GALNT17: variants seen among roughly 807,000 people sequenced by gnomAD.
GALNT17 encodes the protein UDP-GalNAc:polypeptide N-acetylgalactosaminyltransferase-like 3.
A neutral mutation model predicts 63.7 loss-of-function variants in GALNT17; 29 were observed. The ratio of observed to expected loss-of-function variants is 0.46; its 90% confidence interval spans 0.34 to 0.62. The LOEUF (loss-of-function observed/expected upper bound fraction) is 0.62. Among genes scored for constraint, GALNT17 ranks in the 20% least tolerant of loss-of-function variants. The pLI is 0.01. For missense variants in GALNT17, 603 were observed against 799.6 expected (o/e 0.75, Z 2.97); for synonymous variants, 305 against 318.3 (o/e 0.96, Z 0.45).
chr7:71,174,863 T>C (rs10266269), intron 1 of GALNT17, among the ~76,000 whole-genome samples: 43,262 of 152,072 alleles, frequency 0.28, 10,718 homozygotes, highest in African/African-American at 0.67. Context: ...TAGCGTGGGC[T>C]CAGAGGCCTG....
intron 1 of GALNT17, among the ~76,000 whole-genome samples, chr7:71,141,826 G>A (rs1034883989): frequency 2.0e-5 from 3 of 149,444 alleles, no homozygotes; most frequent in East Asian, 2.0e-4. Flanking sequence ...ACAGGTATGC[G>A]CCACCACGTC....
intron 6 of GALNT17, among the ~76,000 whole-genome samples, chr7:71,609,866 GAA>G (rs1390726458): frequency 6.6e-6 from 1 of 151,964 alleles, no homozygotes; most frequent in African/African-American, 2.4e-5. Context: ...ATTCTTAAGA[GAA>G]AGAATTTATA....
At chr7:71,232,889 G>A (rs574016063) in intron 1 of GALNT17, among the ~76,000 whole-genome samples, 44 of 152,100 alleles carry the variant, frequency 2.9e-4, no homozygotes, top group Non-Finnish European at 5.3e-4. Flanking sequence ...TGCCTCTTCC[G>A]TAATTTAGCC....
intron 5 of GALNT17, among the ~76,000 whole-genome samples, chr7:71,525,922 T>G (rs1788616942): frequency 6.6e-6 from 1 of 151,628 alleles, no homozygotes; most frequent in Admixed American, 6.6e-5. Context: ...GTATTTTTAG[T>G]AGAAACAGGA....
intron 1 of GALNT17, among the ~76,000 whole-genome samples, chr7:71,236,291 A>G (rs1433651635): frequency 4.6e-5 from 7 of 152,196 alleles, no homozygotes; most frequent in Admixed American, 2.6e-4. Flanking sequence ...TTGCTACCCT[A>G]TCTCAGGGTA....
intron 5 of GALNT17, among the ~76,000 whole-genome samples, chr7:71,481,329 T>A (rs1177798498): frequency 6.6e-6 from 1 of 152,086 alleles, no homozygotes; most frequent in Non-Finnish European, 1.5e-5. Context: ...TGCACATGTG[T>A]AATCCCAACT....
At chr7:71,523,744 AAAATAAATAAAT>A (rs55683413) in intron 5 of GALNT17, among the ~76,000 whole-genome samples, 10,048 of 137,554 alleles carry the variant, frequency 0.073, 769 homozygotes, top group East Asian at 0.39. Flanking sequence ...CCTGTCTCAA[AAAATAAATAAAT>A]AAATAAATAA....
intron 1 of GALNT17, among the ~76,000 whole-genome samples, chr7:71,254,456 T>A (rs1242530216): frequency 1.3e-5 from 2 of 152,176 alleles, no homozygotes; most frequent in Non-Finnish European, 2.9e-5. Flanking sequence ...GAAATATATT[T>A]TGGGGTAAAA....
intron 6 of GALNT17, among the ~76,000 whole-genome samples, chr7:71,581,635 A>C (rs1056881512): frequency 6.6e-6 from 1 of 152,140 alleles, no homozygotes. Flanking sequence ...GGCAAATTAT[A>C]TCAGTGGTGG....
intron 2 of GALNT17, among the ~76,000 whole-genome samples, chr7:71,336,279 A>AGGT (rs1422773981): frequency 6.6e-5 from 10 of 152,094 alleles, no homozygotes; most frequent in South Asian, 2.1e-4. Context: ...TCCTGACCTC[A>AGGT]GGTGATCTGC....
chr7:71,328,026 C>T (rs77914579), intron 1 of GALNT17, among the ~76,000 whole-genome samples: 4,737 of 152,102 alleles, frequency 0.031, 201 homozygotes, highest in African/African-American at 0.088. Flanking sequence ...TATAGCTGTC[C>T]CTATAGGTCT....
At chr7:71,427,569 C>A (rs1051848646) in intron 5 of GALNT17, among the ~76,000 whole-genome samples, 6 of 152,060 alleles carry the variant, frequency 3.9e-5, no homozygotes, top group African/African-American at 1.4e-4. Context: ...AGGGTACTCT[C>A]GACTTCTGCC....
At chr7:71,474,748 C>T (rs896102114) in intron 5 of GALNT17, among the ~76,000 whole-genome samples, 1 of 152,118 alleles carries the variant, frequency 6.6e-6, no homozygotes, top group Non-Finnish European at 1.5e-5. Flanking sequence ...AAATGCCTTC[C>T]ACCCAAGATA....
chr7:71,283,939 C>T (rs1307804180), intron 1 of GALNT17: 4 of 152,230 alleles, frequency 2.6e-5, no homozygotes, highest in South Asian at 2.1e-4. Context: ...GTAAAATAGA[C>T]CAATCAACAC....
intron 6 of GALNT17, among the ~76,000 whole-genome samples, chr7:71,578,022 T>C (rs1374565026): frequency 1.4e-5 from 2 of 141,752 alleles, no homozygotes; most frequent in Non-Finnish European, 3.0e-5. Context: ...TATTTATTTA[T>C]TTATTTATTT....
chr7:71,701,811 ATATACACATATATATACAC>A (rs1791641309), intron 9 of GALNT17, among the ~76,000 whole-genome samples: 1 of 11,770 alleles, frequency 8.5e-5, no homozygotes, highest in Non-Finnish European at 2.7e-4. Flanking sequence ...GTGTATATAT[ATATACACATATATATACAC>A]ATATATATAT....
intron 5 of GALNT17, among the ~76,000 whole-genome samples, chr7:71,441,859 C>T (rs760853262): frequency 1.3e-5 from 2 of 152,178 alleles, no homozygotes; most frequent in Non-Finnish European, 2.9e-5. Flanking sequence ...GTATGTGCCA[C>T]ATTTTCTTTA....
chr7:71,193,920 G>C (rs1788999245), intron 1 of GALNT17, among the ~76,000 whole-genome samples: 1 of 152,186 alleles, frequency 6.6e-6, no homozygotes, highest in South Asian at 2.1e-4. Flanking sequence ...TATTGACAAA[G>C]AGCTATACTG....
intron 5 of GALNT17, among the ~76,000 whole-genome samples, chr7:71,528,642 T>C (rs1051827485): frequency 6.6e-5 from 10 of 152,110 alleles, no homozygotes; most frequent in Admixed American, 3.9e-4. Context: ...TTGAATGTGG[T>C]CTACATCACA....
Sources: gnomAD v4.1 joint callset for allele counts (sites outside exome capture counted in the v4.1 genomes callset) on GRCh38, gnomAD v4.1.1 for gene constraint, MANE v1.5 for transcripts, NCBI Gene and HGNC (gene_info 2026-07-23, HGNC 2026-07-21) for gene names.